Variants in AMZ1 observed in about 807,000 individuals in gnomAD.
AMZ1 encodes archaelysin family metallopeptidase 1, also known as archaemetzincin-1.
In AMZ1, 39 loss-of-function variants were observed where a neutral mutation model predicts 29.9. The observed-to-expected ratio is 1.30, with a 90% confidence interval of 1.01 to 1.70. The LOEUF is 1.70. AMZ1 is among the 40% of genes most tolerant of loss of function. The pLI is 0.00. For missense variants in AMZ1, 1,041 were observed against 680.6 expected (o/e 1.53, Z -5.89); for synonymous variants, 458 against 304.0 (o/e 1.51, Z -5.27).
At chr7:2,763,162 G>A, upstream of AMZ1, 1 of 1,137,430 alleles carries the variant, frequency 8.8e-7, no homozygotes, top group Non-Finnish European at 1.1e-6. Context: ...CTGCTGACAA[G>A]AGGTTAGCAG....
upstream of AMZ1, among the ~76,000 whole-genome samples, chr7:2,764,326 TC>T (rs1791712817): frequency 6.6e-6 from 1 of 151,284 alleles, no homozygotes; most frequent in African/African-American, 2.4e-5. Flanking sequence ...GGAGTGATCC[TC>T]CCATCTCAGC....
intron 4 of AMZ1, among the ~76,000 whole-genome samples, chr7:2,735,512 C>A (rs1790124378): frequency 6.6e-6 from 1 of 152,164 alleles, no homozygotes; most frequent in Admixed American, 6.5e-5. Flanking sequence ...ACAGAGGGCA[C>A]AATCAGGACA....
chr7:2,728,364 ACAAT>A (rs1013689881), intron 4 of AMZ1: 21 of 152,418 alleles, frequency 1.4e-4, no homozygotes, highest in African/African-American at 5.1e-4. Context: ...CTTGGAGTTA[ACAAT>A]CTGACTTATT....
rs748124302 is a variant in AMZ1, at chr7:2,700,523, T to G, written c.72T>G (p.Thr24=). The change falls in exon 2 of 7, where the codon ACT becomes ACG. Residue 24 remains threonine, a synonymous_variant. Transcript: ENST00000683327. The stretch of plus-strand genomic sequence containing the variant: ...CCTTGAAGGACGCTCTGGTCTCCAC[T>G]GACGCAGCCCTGCAGCAGCTGTATG... ...PRALKDALVS[T]DAALQQLYVS... 7.8e-5 allele frequency: 126 copies of G among 1,607,914 alleles called. No homozygotes were observed. Among genetic ancestry groups the G allele is most frequent in the Admixed American group, 1.2e-4 (7 of 60,006 alleles).
chr7:2,700,638 G>A lies in AMZ1; in HGVS notation c.187G>A (p.Gly63Ser). 2 of 1,611,718 alleles carry A rather than the reference G, an allele frequency of 1.2e-6. No individual in the cohort carries two copies. Among genetic ancestry groups the A allele is most frequent in the East Asian group, 2.2e-5 (1 of 44,888 alleles). Residue 63 changes from glycine (G) to serine (S), a missense_variant, in exon 2 of 7, where the codon GGC (glycine) becomes AGC (serine). Physicochemically the swap from Gly to Ser is moderately conservative, Grantham distance 56 (BLOSUM62 0). Coordinates refer to ENST00000683327, the MANE Select transcript of AMZ1 (RefSeq NM_001384743.1). ...TLFCTLLIRT[G>S]FDWLLSRPEA... ...CTTCTGCACCCTGCTCATCCGCACG[G>A]GCTTCGACTGGCTCCTGAGCCGACC...
At chr7:2,683,445 T>C (rs749292957), upstream of AMZ1, among the ~76,000 whole-genome samples, 41 of 152,240 alleles carry the variant, frequency 2.7e-4, no homozygotes, top group Non-Finnish European at 5.1e-4. Context: ...GTTTTTGTTT[T>C]TGTTTTTTTT....
rs766349873 is a variant in AMZ1 at position 2,709,636 on chromosome 7, C to G, written c.772-4C>G. ...GGCAAGGTGCTTGGTGGCCTTCCCC[C>G]CAGGTCACGTGCCACGAGCTCTGCC... On this transcript the variant is annotated splice_polypyrimidine_tract_variant and splice_region_variant and intron_variant, in intron 5 of 6. Transcript: ENST00000683327. The G allele has an allele frequency of 1.2e-6, 2 of 1,607,354 alleles. No individual in the cohort carries two copies. Among genetic ancestry groups the G allele is most frequent in the Non-Finnish European group, 1.7e-6 (2 of 1,177,716 alleles).
intron 1 of AMZ1, among the ~76,000 whole-genome samples, chr7:2,692,066 G>A (rs1787422394): frequency 6.6e-6 from 1 of 152,246 alleles, no homozygotes; most frequent in African/African-American, 2.4e-5. Context: ...CGAGAAGCCG[G>A]TGAGCAGGTC....
At chr7:2,689,118 C>T (rs567204135) in intron 1 of AMZ1, among the ~76,000 whole-genome samples, 1 of 152,220 alleles carries the variant, frequency 6.6e-6, no homozygotes, top group African/African-American at 2.4e-5. Context: ...ACCATCCGTC[C>T]GTCTGGTTCT....
At chr7:2,734,570 G>A (rs1349545272) in intron 4 of AMZ1, among the ~76,000 whole-genome samples, 2 of 152,198 alleles carry the variant, frequency 1.3e-5, no homozygotes, top group Non-Finnish European at 2.9e-5. Flanking sequence ...GCGTTGTAAG[G>A]GATGGAGAAA....
intron 4 of AMZ1, chr7:2,729,587 T>A (rs950185949): frequency 2.6e-5 from 4 of 152,364 alleles, no homozygotes; most frequent in African/African-American, 7.2e-5. Flanking sequence ...TGCTTCTGCA[T>A]CTGCCCCAAG....
At chr7:2,733,530 C>T (rs767410061) in intron 4 of AMZ1, 7 of 1,585,762 alleles carry the variant, frequency 4.4e-6, no homozygotes, top group Middle Eastern at 3.3e-4. Context: ...ATTCACAGCT[C>T]AGTCTGGACT....
intron 1 of AMZ1, among the ~76,000 whole-genome samples, chr7:2,679,990 G>A (rs1301584397): frequency 6.6e-6 from 1 of 152,248 alleles, no homozygotes; most frequent in Admixed American, 6.5e-5. Context: ...GGGGCAGACA[G>A]AGCTGAGGGA....
Position 2,718,128 on chromosome 7 carries a change from G to A in AMZ1, c.*5250G>A, listed in dbSNP as rs923388288. ...ACACCTACCAGATTCCACCACTGAG[G>A]CCTCCCTCGATGCCTGCTCCCTGGG... On this transcript the variant is annotated 3_prime_UTR_variant, in exon 7 of 7. Transcript: ENST00000683327. Among the ~76,000 whole-genome samples the A allele has an allele frequency of 3.3e-5, 5 of 152,170 alleles. No individual in the cohort carries two copies. The highest frequency in any genetic ancestry group is 7.3e-5 in the Non-Finnish European group (5 of 68,032).
In AMZ1 at chr7:2,718,962, G is replaced by C. The variant is rs1054369980; in HGVS notation, c.*6084G>C. 2.6e-5 allele frequency among the ~76,000 whole-genome samples: 4 copies of C among 151,820 alleles called. No homozygotes were observed. Among genetic ancestry groups the C allele is most frequent in the African/African-American group, 9.7e-5 (4 of 41,316 alleles). On this transcript the variant is annotated 3_prime_UTR_variant, in exon 7 of 7. Coordinates refer to ENST00000683327, the MANE Select transcript of AMZ1 (RefSeq NM_001384743.1). ...AGAGCTCCGGCCATTTATTCCAAATGTATGAGCAGGAAGGAAAGAGGGAGG... is the reference window on the plus strand; with the variant it reads ...AGAGCTCCGGCCATTTATTCCAAATCTATGAGCAGGAAGGAAAGAGGGAGG...
Position 2,731,235 on chromosome 7 carries a change from A to G in AMZ1, n.550+21419A>G. On this transcript the variant is annotated intron_variant and non_coding_transcript_variant, in intron 4 of 4. Transcript: ENST00000489665. The surrounding 1 kb of genome is among the most constrained non-coding windows in gnomAD (Gnocchi z 6.0). ...CCTGCAGGATGGTGTCTTTCACAGCATGGAACACGAAGCGGACGTTCTCGG... is the reference window on the plus strand; with the variant it reads ...CCTGCAGGATGGTGTCTTTCACAGCGTGGAACACGAAGCGGACGTTCTCGG... 1 of 1,613,062 alleles carries G rather than the reference A, an allele frequency of 6.2e-7. No homozygotes were observed. The highest frequency in any genetic ancestry group is 8.5e-7 in the Non-Finnish European group (1 of 1,179,754).
At chr7:2,728,618 C>T (rs1789728361) in intron 4 of AMZ1, 1 of 152,584 alleles carries the variant, frequency 6.6e-6, no homozygotes, top group Non-Finnish European at 1.5e-5. Context: ...CTACCTCCTG[C>T]TTTTCCAACA....
intron 2 of AMZ1, among the ~76,000 whole-genome samples, chr7:2,701,548 A>C (rs913749818): frequency 6.6e-6 from 1 of 152,192 alleles, no homozygotes; most frequent in Non-Finnish European, 1.5e-5. Flanking sequence ...ATCCGTGCTC[A>C]GAAGGGAACG....
At position 2,731,068 on chromosome 7, in the gene AMZ1, A is replaced by G; in HGVS notation, n.550+21252A>G. 1.5e-6 allele frequency: 1 copy of G among 683,172 alleles called. No homozygotes were observed. Among genetic ancestry groups the G allele is most frequent in the African/African-American group, 1.8e-5 (1 of 56,286 alleles). The allele number at this position is 683,172 out of a possible 1,614,324, so 42.3% of individuals were successfully genotyped here. A position where few individuals can be genotyped will look rare whatever the true frequency, so the allele number is the denominator to read the frequency against. Reference sequence around the variant, plus strand: ...ACAGCATTCCTGAGCCAGGTATTCCAGGGCACGGATCCGAGAAACCCACTC... The same window carrying G: ...ACAGCATTCCTGAGCCAGGTATTCCGGGGCACGGATCCGAGAAACCCACTC... On this transcript the variant is annotated intron_variant and non_coding_transcript_variant, in intron 4 of 4. Coordinates refer to the AMZ1 transcript ENST00000489665. This position sits in a 1 kb window ranked among gnomAD's most constrained non-coding sequence, Gnocchi z 6.0.
Sources: allele counts gnomAD v4.1 joint callset (sites outside exome capture counted in the v4.1 genomes callset), GRCh38; gene constraint gnomAD v4.1.1; non-coding constraint Gnocchi (gnomAD v3.1); transcripts MANE v1.5; gene names NCBI Gene and HGNC (gene_info 2026-07-23, HGNC 2026-07-21).